The following GOLGA7 variants were observed in gnomAD, a reference collection of about 807,000 sequenced individuals.
The protein encoded by GOLGA7 is golgin A7.
GOLGA7 carries 10 observed loss-of-function variants against 21.1 expected under a neutral mutation model. The observed-to-expected ratio is 0.47, with a 90% CI of 0.29 to 0.80. GOLGA7 has a LOEUF of 0.80. Ranked by LOEUF, GOLGA7 falls within the 30% of genes least tolerant of loss-of-function variation. The pLI is 0.08. For missense variants in GOLGA7, 114 were observed against 166.8 expected, an observed-to-expected ratio of 0.68 and a Z score of 1.74; for synonymous variants, 64 against 62.6, an observed-to-expected ratio of 1.02 and a Z score of -0.10.
intron 1 of GOLGA7, among the ~76,000 whole-genome samples, chr8:41,493,868 G>A (rs1226512592): frequency 1.3e-5 from 2 of 152,160 alleles, no homozygotes; most frequent in Non-Finnish European, 2.9e-5. Flanking sequence ...CAGTGTCCAG[G>A]AACCTAAGGG....
intron 2 of GOLGA7, among the ~76,000 whole-genome samples, chr8:41,503,633 C>A (rs1236200275): frequency 2.3e-5 from 2 of 87,570 alleles, no homozygotes; most frequent in Non-Finnish European, 4.4e-5. Context: ...CTACATATGG[C>A]TAGCCAGTTT....
At chr8:41,492,648 C>G (rs1188648243) in intron 1 of GOLGA7, among the ~76,000 whole-genome samples, 1 of 152,180 alleles carries the variant, frequency 6.6e-6, no homozygotes, top group Non-Finnish European at 1.5e-5. Context: ...GGCGACAGAG[C>G]AAGACTCTTG....
intron 2 of GOLGA7, among the ~76,000 whole-genome samples, chr8:41,498,189 C>T (rs1286857767): frequency 1.3e-5 from 2 of 152,110 alleles, no homozygotes; most frequent in African/African-American, 4.8e-5. Flanking sequence ...TTTCATTTTC[C>T]CAGTCATTAA....
intron 4 of GOLGA7, among the ~76,000 whole-genome samples, chr8:41,509,119 T>C (rs1806359537): frequency 6.6e-6 from 1 of 152,246 alleles, no homozygotes; most frequent in South Asian, 2.1e-4. Context: ...CATCTTTATA[T>C]AAAATGGAAT....
At chr8:41,492,726 T>TA (rs1805914036) in intron 1 of GOLGA7, among the ~76,000 whole-genome samples, 1 of 152,226 alleles carries the variant, frequency 6.6e-6, no homozygotes, top group African/African-American at 2.4e-5. Context: ...TTAAGCCTCT[T>TA]ACGGAAACTA....
chr8:41,506,201 T>C (rs1806283879), intron 3 of GOLGA7, among the ~76,000 whole-genome samples, 189 bp downstream of exon 3: 1 of 152,090 alleles, frequency 6.6e-6, no homozygotes, highest in African/African-American at 2.4e-5. Flanking sequence ...CCTCCTTCCA[T>C]TGCATGGTGC....
At chr8:41,492,451 C>T (rs898112969) in intron 1 of GOLGA7, among the ~76,000 whole-genome samples, 1 of 152,276 alleles carries the variant, frequency 6.6e-6, no homozygotes, top group South Asian at 2.1e-4. Context: ...CACTTGAGGT[C>T]GGGAATTCAA....
intron 3 of GOLGA7, 133 bp from the exon 4 acceptor site, chr8:41,506,926 A>C (rs1806300349): frequency 4.4e-6 from 3 of 678,710 alleles, no homozygotes; most frequent in African/African-American, 1.8e-5. Context: ...AAACTTAAGT[A>C]GGAAAAATGT....
At chr8:41,494,717 T>C (rs1805965423) in intron 1 of GOLGA7, among the ~76,000 whole-genome samples, 1 of 152,134 alleles carries the variant, frequency 6.6e-6, no homozygotes, top group Admixed American at 6.5e-5. Flanking sequence ...TTTGTCCAAA[T>C]CTCTAATATT....
At chr8:41,507,190 C>T (rs558522242) in intron 4 of GOLGA7, 69 bp downstream of exon 4, 36 of 754,010 alleles carry the variant, frequency 4.8e-5, no homozygotes, top group African/African-American at 2.8e-4. Context: ...TATTCTTCCC[C>T]GCATGGTAAA....
At chr8:41,509,184 A>G (rs1806361140) in intron 4 of GOLGA7, among the ~76,000 whole-genome samples, 1 of 152,258 alleles carries the variant, frequency 6.6e-6, no homozygotes, top group Non-Finnish European at 1.5e-5. Flanking sequence ...GTTTGTTGGC[A>G]CATCTGTGCC....
intron 1 of GOLGA7, among the ~76,000 whole-genome samples, chr8:41,494,304 T>G (rs1041465498): frequency 1.3e-5 from 2 of 152,184 alleles, no homozygotes; most frequent in Non-Finnish European, 2.9e-5. Flanking sequence ...AGCGATACTC[T>G]GTCACTAAAC....
In GOLGA7 at chr8:41,510,819, G is replaced by T. The variant is rs1376049367; in HGVS notation, c.*1251G>T. ...CGTCTCAGATTTAATTTCTTTTATG[G>T]GTCTGTTAGTCATTCAACAAATCCC... On this transcript the variant is annotated 3_prime_UTR_variant, in exon 5 of 5. Transcript: ENST00000357743. 1 of 152,860 alleles carries T rather than the reference G, an allele frequency of 6.5e-6. No individual in the cohort carries two copies. Among genetic ancestry groups the T allele is most frequent in the East Asian group, 1.9e-4 (1 of 5,196 alleles). 9.5% of individuals were successfully genotyped at this position (152,860 alleles called of 1,614,324 possible). A position where few individuals can be genotyped will look rare whatever the true frequency, so the allele number is the denominator to read the frequency against.
intron 1 of GOLGA7, among the ~76,000 whole-genome samples, chr8:41,491,603 G>A (rs1805885199): frequency 6.6e-6 from 1 of 151,718 alleles, no homozygotes; most frequent in Admixed American, 6.6e-5. Context: ...TCAGGATATA[G>A]GTCCTTTGGG....
Position 41,495,076 on chromosome 8 carries a change from C to T in GOLGA7, c.112-2433C>T, listed in dbSNP as rs909786230. ...AAAATTAGTAGGGAATGGTGGTGCA[C>T]GCCTGTAATCCCAGCTACTCGGGAG... On this transcript the variant is annotated intron_variant, in intron 1 of 4. Coordinates refer to ENST00000357743, the MANE Select transcript of GOLGA7 (RefSeq NM_001002296.2). 2.6e-5 allele frequency among the ~76,000 whole-genome samples: 4 copies of T among 151,236 alleles called. No individual in the cohort carries two copies. In the East Asian group the frequency reaches 6.0e-4, roughly 23 times the overall value.
chr8:41,504,491 G>GT (rs1353972824), intron 2 of GOLGA7, among the ~76,000 whole-genome samples: 1 of 152,178 alleles, frequency 6.6e-6, no homozygotes, highest in East Asian at 1.9e-4. Flanking sequence ...GCCTAAGGGG[G>GT]TTTTTTTGCT....
At chr8:41,506,214 G>T (rs1689201226) in intron 3 of GOLGA7, among the ~76,000 whole-genome samples, 1 of 151,686 alleles carries the variant, frequency 6.6e-6, no homozygotes, top group Admixed American at 6.6e-5. Context: ...CATGGTGCAG[G>T]TCTCTGTGGT....
At chr8:41,504,133 A>AC (rs1554540027) in intron 2 of GOLGA7, among the ~76,000 whole-genome samples, 47 of 126,820 alleles carry the variant, frequency 3.7e-4, no homozygotes, top group African/African-American at 1.5e-3. Context: ...AAAAAAAAAA[A>AC]AAACAAAACA....
At position 41,510,128 on chromosome 8, in the gene GOLGA7, T is replaced by C. The variant is rs964267900; in HGVS notation, c.*560T>C. 4 of 152,652 alleles carry C rather than the reference T, an allele frequency of 2.6e-5. No homozygotes were observed. The highest frequency in any genetic ancestry group is 9.6e-5 in the African/African-American group (4 of 41,470). 9.5% of individuals were successfully genotyped at this position (152,652 alleles called of 1,614,324 possible). ...CTCAAATCTTAAGATCTGTTTCTAC[T>C]ATTCAGTTCCTCAAACTGAAGCTTA... is the stretch of plus-strand genomic sequence containing the variant. On this transcript the variant is annotated 3_prime_UTR_variant, in exon 5 of 5. Coordinates refer to ENST00000357743, the MANE Select transcript of GOLGA7 (RefSeq NM_001002296.2).
Sources: allele counts gnomAD v4.1 joint callset (sites outside exome capture counted in the v4.1 genomes callset), GRCh38; gene constraint gnomAD v4.1.1; transcripts MANE v1.5; gene names NCBI Gene and HGNC (gene_info 2026-07-23, HGNC 2026-07-21).